PUM1: variants seen among roughly 807,000 people sequenced by gnomAD.
The protein encoded by PUM1 is pumilio homolog 1.
PUM1 carries 13 observed loss-of-function variants against 131.8 expected under a neutral mutation model. That is an observed-to-expected ratio of 0.10 (90% confidence interval 0.06 to 0.16). The LOEUF is 0.16. Ranked by LOEUF, PUM1 falls within the 10% of genes least tolerant of loss-of-function variation. The pLI is 1.00. For synonymous variants in PUM1, 509 were observed against 556.5 expected, an observed-to-expected ratio of 0.91 and a Z score of 1.20; for missense variants, 961 against 1,512.4, an observed-to-expected ratio of 0.64 and a Z score of 6.05.
chr1:31,031,489 C>T (rs1459560688), intron 2 of PUM1, among the ~76,000 whole-genome samples: 1 of 152,174 alleles, frequency 6.6e-6, no homozygotes, highest in African/African-American at 2.4e-5. Flanking sequence ...CCTTCTCCAA[C>T]CATTGTTAGG....
chr1:31,022,458 T>A (rs1643063661), intron 3 of PUM1, among the ~76,000 whole-genome samples: 1 of 152,220 alleles, frequency 6.6e-6, no homozygotes, highest in South Asian at 2.1e-4. Context: ...CAGTAGTATG[T>A]TCCTGGTCTT....
intron 3 of PUM1, among the ~76,000 whole-genome samples, chr1:31,027,475 C>A (rs1002058009): frequency 6.6e-6 from 1 of 152,144 alleles, no homozygotes; most frequent in Non-Finnish European, 1.5e-5. Flanking sequence ...CTAAACCATA[C>A]AGGGTTTATT....
At chr1:30,977,511 C>G (rs1023606841) in intron 9 of PUM1, among the ~76,000 whole-genome samples, 2 of 152,242 alleles carry the variant, frequency 1.3e-5, no homozygotes, top group Non-Finnish European at 2.9e-5. Context: ...ACGCTGGTCA[C>G]ATGGCCTAAG....
chr1:30,937,408 AG>A (rs1344163744), intron 20 of PUM1, among the ~76,000 whole-genome samples: 1 of 152,120 alleles, frequency 6.6e-6, no homozygotes, highest in Non-Finnish European at 1.5e-5. Context: ...TGGGAGGTTG[AG>A]GCAGGAGAAT....
At chr1:31,056,936 G>T (rs1644255088) in intron 2 of PUM1, among the ~76,000 whole-genome samples, 1 of 151,992 alleles carries the variant, frequency 6.6e-6, no homozygotes, top group Admixed American at 6.6e-5. Flanking sequence ...GGGATTACAA[G>T]CATGCGCCAC....
chr1:31,065,305 T>A (rs1570388854), intron 1 of PUM1, among the ~76,000 whole-genome samples: 1 of 152,028 alleles, frequency 6.6e-6, no homozygotes, highest in South Asian at 2.1e-4. Context: ...CAATCTTCGG[T>A]GGTTCCCAAC....
At chr1:31,048,473 ATTTTTT>A (rs1273006252) in intron 2 of PUM1, among the ~76,000 whole-genome samples, 1 of 148,230 alleles carries the variant, frequency 6.7e-6, no homozygotes. Flanking sequence ...TTTTATTTTT[ATTTTTT>A]TTATTTTTTT....
intron 5 of PUM1, among the ~76,000 whole-genome samples, chr1:30,998,492 A>C (rs550941051): frequency 6.6e-6 from 1 of 152,252 alleles, no homozygotes; most frequent in African/African-American, 2.4e-5. Flanking sequence ...GTTTTTAAAA[A>C]AATTAGCTGG....
At chr1:31,018,134 A>C (rs532458316) in intron 3 of PUM1, among the ~76,000 whole-genome samples, 3 of 150,726 alleles carry the variant, frequency 2.0e-5, no homozygotes, top group South Asian at 2.1e-4. Context: ...TGGATCACCT[A>C]AAGTCAGGAG....
chr1:30,967,624 T>C (rs527969911), intron 11 of PUM1, among the ~76,000 whole-genome samples: 3 of 152,230 alleles, frequency 2.0e-5, no homozygotes, highest in South Asian at 2.1e-4. Flanking sequence ...TTAAGCCATA[T>C]GAAAAACTGC....
At chr1:31,004,446 G>A (rs974342653) in intron 5 of PUM1, among the ~76,000 whole-genome samples, 2 of 152,212 alleles carry the variant, frequency 1.3e-5, no homozygotes, top group Non-Finnish European at 2.9e-5. Flanking sequence ...CTCATAAGAT[G>A]AGGAAAGAGT....
Position 30,942,145 on chromosome 1 carries a change from T to C in PUM1, c.2995-22A>G, listed in dbSNP as rs187689558. 867 of 1,445,140 alleles carry C rather than the reference T, an allele frequency of 6.0e-4. 4 individuals are homozygous for C. The African/African-American group carries it at 0.012, about 20-fold the overall frequency. 89.5% of individuals were successfully genotyped at this position (1,445,140 alleles called of 1,614,324 possible). A position where few individuals can be genotyped will look rare whatever the true frequency, so the allele number is the denominator to read the frequency against. ...ATACCTAAGGGTAGACAAACACAAA[T>C]GAGAAGCAAAAATGACAGTCACCAC... On this transcript the variant is annotated intron_variant, in intron 18 of 21. Transcript: ENST00000426105.
At chr1:30,946,876 G>A (rs913319026) in intron 17 of PUM1, among the ~76,000 whole-genome samples, 3 of 151,898 alleles carry the variant, frequency 2.0e-5, no homozygotes, top group African/African-American at 4.8e-5. Context: ...ACCACCAGAA[G>A]CCTGGGTGAC....
chr1:31,058,661 TA>T (rs11418698), intron 2 of PUM1, among the ~76,000 whole-genome samples: 7,097 of 125,258 alleles, frequency 0.057, 492 homozygotes, highest in African/African-American at 0.18. Flanking sequence ...GACTCCGTCT[TA>T]AAAAAAAAAA....
intron 7 of PUM1, among the ~76,000 whole-genome samples, chr1:30,990,115 T>G (rs1473301249): frequency 1.3e-5 from 2 of 152,202 alleles, no homozygotes; most frequent in Admixed American, 6.5e-5. Flanking sequence ...CCTCCAGACC[T>G]CCTGAAAGGC....
chr1:30,952,555 G>A (rs1639976969), intron 15 of PUM1, among the ~76,000 whole-genome samples, 192 bp from the exon 16 acceptor site: 1 of 151,944 alleles, frequency 6.6e-6, no homozygotes, highest in Non-Finnish European at 1.5e-5. Flanking sequence ...TTAAATAGAG[G>A]AAGAAGGTCC....
At position 31,056,609 on chromosome 1, in the gene PUM1, C is replaced by CTTTTCTTTTTTTTTTTTTTTTT. The variant is rs1644245029; in HGVS notation, c.363+2594_363+2595insAAAAAAAAAAAAAAAAAGAAAA. Among the ~76,000 whole-genome samples, 10 of 43,690 alleles carry CTTTTCTTTTTTTTTTTTTTTTT rather than the reference C, an allele frequency of 2.3e-4. 1 individual carries two copies. Among genetic ancestry groups the CTTTTCTTTTTTTTTTTTTTTTT allele is most frequent in the Non-Finnish European group, 3.2e-4 (8 of 24,876 alleles). The allele number at this position is 43,690 out of a possible 152,430, so 28.7% of individuals were successfully genotyped here. A position where few individuals can be genotyped will look rare whatever the true frequency, so the allele number is the denominator to read the frequency against. ...CAGCTGAAAACCTTCCTTTTCTTTT[C>CTTTTCTTTTTTTTTTTTTTTTT]TTTTTTTTTTTTTTTTTTTTTTTTT... is the stretch of plus-strand genomic sequence containing the variant. On this transcript the variant is annotated intron_variant, in intron 2 of 21. Coordinates refer to ENST00000426105, the MANE Select transcript of PUM1 (RefSeq NM_001020658.2).
At chr1:30,963,411 T>C (rs531219708) in intron 14 of PUM1, among the ~76,000 whole-genome samples, 26 of 152,360 alleles carry the variant, frequency 1.7e-4, no homozygotes, top group African/African-American at 5.8e-4. Context: ...TGTTCATATA[T>C]AACCTGAGAA....
chr1:31,034,839 T>C (rs928685784), intron 2 of PUM1, among the ~76,000 whole-genome samples: 1 of 152,134 alleles, frequency 6.6e-6, no homozygotes, highest in African/African-American at 2.4e-5. Context: ...GATGGTTCCA[T>C]TTCACTAAAA....
Sources: allele counts gnomAD v4.1 joint callset (sites outside exome capture counted in the v4.1 genomes callset), GRCh38; gene constraint gnomAD v4.1.1; transcripts MANE v1.5; gene names NCBI Gene and HGNC (gene_info 2026-07-23, HGNC 2026-07-21).